MARCO: variants seen among roughly 807,000 people sequenced by gnomAD.
The protein encoded by MARCO is macrophage receptor MARCO.
In MARCO, 72 loss-of-function variants were observed where a neutral mutation model predicts 70.0. The observed-to-expected ratio is 1.03, with a 90% CI of 0.85 to 1.25. The LOEUF (loss-of-function observed/expected upper bound fraction) is 1.25. Among genes scored for constraint, MARCO ranks in the 50% most tolerant of loss-of-function variants. The pLI is 0.00. For synonymous variants in MARCO, 273 were observed against 243.1 expected (o/e 1.12, Z -1.14); for missense variants, 696 against 659.3 (o/e 1.06, Z -0.61).
At chr2:118,959,514 G>A (rs537748792) in intron 1 of MARCO, among the ~76,000 whole-genome samples, 6 of 152,092 alleles carry the variant, frequency 3.9e-5, no homozygotes, top group Non-Finnish European at 5.9e-5. Flanking sequence ...TGGTGATCAG[G>A]GAACACTTCT....
intron 1 of MARCO, among the ~76,000 whole-genome samples, chr2:118,950,827 AT>A (rs1679709127): frequency 6.6e-6 from 1 of 151,938 alleles, no homozygotes; most frequent in African/African-American, 2.4e-5. Context: ...GATGATAGCC[AT>A]TCTTTTCCAA....
Position 118,994,355 on chromosome 2 carries a change from C to T in MARCO, c.1430-32C>T, listed in dbSNP as rs766154788. ...TTGCTTTGACTCTAATCCTACCCTT[C>T]TTCCTCTGTCTCTTGCTTTCTCTCT... On this transcript the variant is annotated intron_variant, in intron 16 of 16. Coordinates refer to ENST00000327097, the MANE Select transcript of MARCO (RefSeq NM_006770.4). The T allele has an allele frequency of 1.5e-5, 25 of 1,613,676 alleles. No homozygotes were observed. In the Admixed American group the frequency reaches 4.0e-4, roughly 26 times the overall value.
intron 1 of MARCO, among the ~76,000 whole-genome samples, chr2:118,950,217 C>T (rs1679693915): frequency 6.6e-6 from 1 of 152,128 alleles, no homozygotes; most frequent in Admixed American, 6.5e-5. Flanking sequence ...ACCTTGTTGA[C>T]ATATGTATCC....
intron 15 of MARCO, among the ~76,000 whole-genome samples, chr2:118,992,826 T>C (rs1446447641): frequency 6.6e-6 from 1 of 151,544 alleles, no homozygotes; most frequent in African/African-American, 2.4e-5. Context: ...TTCTCTTTTC[T>C]CAGCTTTCCT....
intron 1 of MARCO, among the ~76,000 whole-genome samples, chr2:118,968,811 T>C (rs1680106342): frequency 6.6e-6 from 1 of 152,212 alleles, no homozygotes; most frequent in Non-Finnish European, 1.5e-5. Flanking sequence ...TTTAAACACA[T>C]TAATTCATAA....
intron 4 of MARCO, among the ~76,000 whole-genome samples, chr2:118,973,295 C>G (rs1169760604): frequency 6.6e-6 from 1 of 151,968 alleles, no homozygotes; most frequent in African/African-American, 2.4e-5. Context: ...CTCCCTCTCT[C>G]TCTCTCTGAA....
chr2:118,982,526 C>G, intron 12 of MARCO, 116 bp downstream of exon 12: 1 of 998,312 alleles, frequency 1.0e-6, no homozygotes, highest in Non-Finnish European at 1.6e-6. Flanking sequence ...TGTGCCTTGG[C>G]CTCTGAGGTT....
chr2:118,992,628 A>G lies in MARCO; in HGVS notation c.1252+152A>G, dbSNP rs559702531. 359 of 653,438 alleles carry G rather than the reference A, an allele frequency of 5.5e-4. 5 individuals are homozygous for G. The South Asian group carries it at 6.7e-3, about 12-fold the overall frequency. 40.5% of individuals were successfully genotyped at this position (653,438 alleles called of 1,614,324 possible). On this transcript the variant is annotated intron_variant, in intron 15 of 16. Coordinates refer to ENST00000327097, the MANE Select transcript of MARCO (RefSeq NM_006770.4). ...TCTAGTCCCTTGAATGAGCCTGCCC[A>G]CGGCACAGAGCAGCAGTTTCTCTCC...
At chr2:118,981,137 GC>G (rs1680379970) in intron 8 of MARCO, among the ~76,000 whole-genome samples, 1 of 152,110 alleles carries the variant, frequency 6.6e-6, no homozygotes, top group Non-Finnish European at 1.5e-5. Flanking sequence ...CTGAGCCTTG[GC>G]TATTGTCCCT....
intron 12 of MARCO, among the ~76,000 whole-genome samples, chr2:118,988,389 C>T (rs1049084334): frequency 6.6e-6 from 1 of 151,944 alleles, no homozygotes; most frequent in African/African-American, 2.4e-5. Context: ...TGTTTTGAGG[C>T]CCCTTCTACT....
intron 1 of MARCO, among the ~76,000 whole-genome samples, chr2:118,955,509 A>G (rs1008856129): frequency 6.6e-6 from 1 of 152,218 alleles, no homozygotes; most frequent in African/African-American, 2.4e-5. Flanking sequence ...AGACAATTGT[A>G]AAAGCTTGGA....
intron 1 of MARCO, among the ~76,000 whole-genome samples, chr2:118,955,185 C>T (rs1220748103): frequency 6.6e-6 from 1 of 151,604 alleles, no homozygotes; most frequent in Non-Finnish European, 1.5e-5. Flanking sequence ...AAGCCCAATG[C>T]AAGGAAATCT....
intron 1 of MARCO, chr2:118,949,236 C>T (rs971223766): frequency 2.6e-5 from 4 of 152,154 alleles, no homozygotes; most frequent in Non-Finnish European, 4.4e-5. Flanking sequence ...ATTTGAGGAC[C>T]ATGCTAGTGG....
intron 6 of MARCO, 21 bp from the exon 7 acceptor site, chr2:118,977,450 C>A (rs761460849): frequency 1.2e-6 from 2 of 1,609,470 alleles, no homozygotes; most frequent in Non-Finnish European, 1.7e-6. Flanking sequence ...AGCAACTGAG[C>A]TCTTTTTTCC....
At chr2:118,954,454 C>T (rs1411399050) in intron 1 of MARCO, among the ~76,000 whole-genome samples, 1 of 152,178 alleles carries the variant, frequency 6.6e-6, no homozygotes, top group African/African-American at 2.4e-5. Flanking sequence ...TGCCTAGTCC[C>T]ACCCCTGGAC....
chr2:118,974,385 G>A lies in MARCO; in HGVS notation c.513G>A (p.Pro171=), dbSNP rs374247483. The change falls in exon 5 of 17, where the codon CCG becomes CCA. Residue 171 remains proline (P), a synonymous_variant. Coordinates refer to ENST00000327097, the MANE Select transcript of MARCO (RefSeq NM_006770.4). ...AMGMPGAPGP[P]GPPAEKGAKG... Reference sequence around the variant, plus strand: ...GCATGCCTGGTGCCCCTGGCCCGCCGGGACCACCTGCTGAGAAGGGAGCCA... The same window carrying A: ...GCATGCCTGGTGCCCCTGGCCCGCCAGGACCACCTGCTGAGAAGGGAGCCA... 4.0e-5 allele frequency: 65 copies of A among 1,611,688 alleles called. No homozygotes were observed. The African/African-American group carries it at 6.5e-4, about 16-fold the overall frequency.
chr2:118,946,859 G>A (rs370244709), intron 1 of MARCO, among the ~76,000 whole-genome samples: 93 of 152,244 alleles, frequency 6.1e-4, no homozygotes, highest in East Asian at 1.7e-3. Flanking sequence ...AGCCATTCTC[G>A]TAGATGTATA....
At chr2:118,953,936 A>G (rs1304234612) in intron 1 of MARCO, among the ~76,000 whole-genome samples, 2 of 152,182 alleles carry the variant, frequency 1.3e-5, no homozygotes, top group South Asian at 2.1e-4. Flanking sequence ...GTCCCCAAGC[A>G]GCCCACTCCT....
chr2:118,954,765 A>G lies in MARCO; in HGVS notation c.97+12368A>G, dbSNP rs191234586. Among the ~76,000 whole-genome samples the G allele has an allele frequency of 2.5e-3, 382 of 152,290 alleles. 1 individual carries two copies. The highest frequency in any genetic ancestry group is 3.6e-3 in the Non-Finnish European group (244 of 68,028). On this transcript the variant is annotated intron_variant, in intron 1 of 16. Coordinates refer to ENST00000327097, the MANE Select transcript of MARCO (RefSeq NM_006770.4). Reference sequence around the variant, plus strand: ...GGACTTTGTGCAGACAACCCCCAGTACCAGCCTGGAGCTGGGTAAAGTTGC... The same window carrying G: ...GGACTTTGTGCAGACAACCCCCAGTGCCAGCCTGGAGCTGGGTAAAGTTGC...
Sources: allele counts gnomAD v4.1 joint callset (sites outside exome capture counted in the v4.1 genomes callset), GRCh38; gene constraint gnomAD v4.1.1; transcripts MANE v1.5; gene names NCBI Gene and HGNC (gene_info 2026-07-23, HGNC 2026-07-21).